The following UBE2D2 variants were observed in gnomAD, a reference collection of about 807,000 sequenced individuals.
UBE2D2 encodes ubiquitin-conjugating enzyme E2 D2.
UBE2D2 carries 2 observed loss-of-function variants against 24.2 expected under a neutral mutation model. The observed-to-expected ratio is 0.08, with a 90% CI of 0.03 to 0.26. UBE2D2 has a LOEUF of 0.26. Ranked by LOEUF, UBE2D2 falls within the 10% of genes least tolerant of loss-of-function variation. UBE2D2 has a pLI of 1.00. For missense variants in UBE2D2, 44 were observed against 177.6 expected, an observed-to-expected ratio of 0.25 and a Z score of 4.28; for synonymous variants, 58 against 56.5, an observed-to-expected ratio of 1.03 and a Z score of -0.12.
chr5:139,563,199 A>G (rs1344838185), intron 1 of UBE2D2, among the ~76,000 whole-genome samples: 1 of 152,204 alleles, frequency 6.6e-6, no homozygotes, highest in Non-Finnish European at 1.5e-5. Context: ...CAGAATACAG[A>G]TTGATGATTT....
In UBE2D2 at chr5:139,582,557, A is replaced by G. The variant is rs1033543782; in HGVS notation, c.25-17815A>G. Among the ~76,000 whole-genome samples the G allele has an allele frequency of 1.1e-4, 16 of 151,792 alleles. 1 individual carries two copies. Among genetic ancestry groups the G allele is most frequent in the Admixed American group, 9.2e-4 (14 of 15,172 alleles). On this transcript the variant is annotated intron_variant, in intron 1 of 6. Coordinates refer to ENST00000398733, the MANE Select transcript of UBE2D2 (RefSeq NM_003339.3). ...TTTTGTTCATGAAATAAAATTTAAC[A>G]GTGTTTTAACTGCTGCCTACCACAT... is the stretch of plus-strand genomic sequence containing the variant.
At chr5:139,577,406 T>C (rs887525930) in intron 1 of UBE2D2, among the ~76,000 whole-genome samples, 3 of 101,836 alleles carry the variant, frequency 2.9e-5, no homozygotes, top group African/African-American at 1.1e-4. Context: ...GCATCTCTCT[T>C]TTTTTTTTTT....
chr5:139,577,065 T>C (rs1255348661), intron 1 of UBE2D2, among the ~76,000 whole-genome samples: 1 of 151,824 alleles, frequency 6.6e-6, no homozygotes, highest in South Asian at 2.1e-4. Flanking sequence ...TATGTGACTA[T>C]TGATCTACCC....
At chr5:139,619,282 A>G (rs1393332263) in intron 5 of UBE2D2, among the ~76,000 whole-genome samples, 5 of 151,838 alleles carry the variant, frequency 3.3e-5, no homozygotes, top group East Asian at 1.9e-4. Context: ...TATAGTCCCA[A>G]CTACTCGGGA....
chr5:139,560,748 G>A (rs572193132), upstream of UBE2D2, among the ~76,000 whole-genome samples: 1 of 152,284 alleles, frequency 6.6e-6, no homozygotes, highest in East Asian at 1.9e-4. Context: ...ACACCTCGAA[G>A]GCACACATAC....
At chr5:139,536,918 G>A (rs112855562) in intron 1 of UBE2D2, among the ~76,000 whole-genome samples, 4,035 of 152,124 alleles carry the variant, frequency 0.027, 192 homozygotes, top group African/African-American at 0.092. Context: ...GGTGACTCAC[G>A]CCTGTAATCC....
chr5:139,562,024 G>A, intron 1 of UBE2D2: 1 of 846,580 alleles, frequency 1.2e-6, no homozygotes, highest in South Asian at 2.1e-5. Context: ...TGCTCTCGCG[G>A]CCTCAGCGTT....
At chr5:139,532,466 C>T (rs1752609373) in intron 1 of UBE2D2, among the ~76,000 whole-genome samples, 1 of 152,064 alleles carries the variant, frequency 6.6e-6, no homozygotes, top group Non-Finnish European at 1.5e-5. Context: ...ATTCTCTTGC[C>T]TCAGCCTCCC....
At chr5:139,567,996 G>A (rs1753271955) in intron 1 of UBE2D2, among the ~76,000 whole-genome samples, 1 of 152,280 alleles carries the variant, frequency 6.6e-6, no homozygotes, top group East Asian at 1.9e-4. Context: ...GGAAGTTACC[G>A]AAGCATGATC....
chr5:139,564,330 T>G (rs1382852726), intron 1 of UBE2D2, among the ~76,000 whole-genome samples: 2 of 151,924 alleles, frequency 1.3e-5, no homozygotes, highest in Non-Finnish European at 1.5e-5. Context: ...ATTTTTGTGT[T>G]TTTAGTAGAA....
At chr5:139,602,267 G>A (rs1037225653) in intron 2 of UBE2D2, among the ~76,000 whole-genome samples, 2 of 152,360 alleles carry the variant, frequency 1.3e-5, no homozygotes, top group East Asian at 3.9e-4. Flanking sequence ...GGCGAGGCTG[G>A]TCTTGAATTC....
chr5:139,540,497 G>A (rs1752742485), intron 1 of UBE2D2, among the ~76,000 whole-genome samples: 1 of 139,674 alleles, frequency 7.2e-6, no homozygotes, highest in Non-Finnish European at 1.5e-5. Context: ...AGTGAGCCAA[G>A]ATTGTGCCAC....
rs187619554 is a variant in UBE2D2, at chr5:139,614,155, C to A, written c.89-431C>A. Among the ~76,000 whole-genome samples, 260 of 151,532 alleles carry A rather than the reference C, an allele frequency of 1.7e-3. 1 individual carries two copies. Among genetic ancestry groups the A allele is most frequent in the African/African-American group, 5.7e-3 (237 of 41,280 alleles). ...AAGAAATAACTGTTTAAAAGTAGAA[C>A]TGTAAGCCTTGTCAAGAAGTTTGTC... On this transcript the variant is annotated intron_variant, in intron 2 of 6. Coordinates refer to ENST00000398733, the MANE Select transcript of UBE2D2 (RefSeq NM_003339.3).
intron 1 of UBE2D2, among the ~76,000 whole-genome samples, chr5:139,597,689 T>C (rs1422563780): frequency 6.6e-6 from 1 of 152,230 alleles, no homozygotes; most frequent in Non-Finnish European, 1.5e-5. Context: ...TAACAACCTG[T>C]TGCTATAGCA....
At chr5:139,612,943 A>G (rs1467178906) in intron 2 of UBE2D2, among the ~76,000 whole-genome samples, 6 of 152,306 alleles carry the variant, frequency 3.9e-5, no homozygotes, top group Middle Eastern at 3.4e-3. Flanking sequence ...TCTTTAAACA[A>G]CATACAAGGG....
chr5:139,596,345 G>A (rs529781994), intron 1 of UBE2D2, among the ~76,000 whole-genome samples: 2 of 151,802 alleles, frequency 1.3e-5, no homozygotes, highest in African/African-American at 2.4e-5. Context: ...CCAGGCTGGA[G>A]TGCAGTGTCA....
chr5:139,564,385 C>T (rs1045155731), intron 1 of UBE2D2, among the ~76,000 whole-genome samples: 1 of 151,568 alleles, frequency 6.6e-6, no homozygotes, highest in African/African-American at 2.4e-5. Flanking sequence ...AGTTCCTGAC[C>T]TCCGGTGATC....
intron 1 of UBE2D2, among the ~76,000 whole-genome samples, chr5:139,563,431 TAAAG>T (rs750811500): frequency 2.2e-4 from 34 of 152,236 alleles, no homozygotes; most frequent in Non-Finnish European, 2.6e-4. Flanking sequence ...AAAGATGTCT[TAAAG>T]AACCGTTTAA....
At chr5:139,605,246 T>C (rs1263517572) in intron 2 of UBE2D2, among the ~76,000 whole-genome samples, 1 of 152,138 alleles carries the variant, frequency 6.6e-6, no homozygotes, top group Non-Finnish European at 1.5e-5. Context: ...ACTAGTAAAT[T>C]TTTTTTCACT....
Sources: gnomAD v4.1 joint callset for allele counts (sites outside exome capture counted in the v4.1 genomes callset) on GRCh38, gnomAD v4.1.1 for gene constraint, MANE v1.5 for transcripts, NCBI Gene and HGNC (gene_info 2026-07-23, HGNC 2026-07-21) for gene names.